Variants in NSMCE2 observed in about 807,000 individuals in gnomAD.
NSMCE2 encodes the protein NSE2 SUMO ligase component of SMC5/6 complex.
NSMCE2 carries 24 observed loss-of-function variants against 23.8 expected under a neutral mutation model. That is an observed-to-expected ratio of 1.01 (90% CI 0.73 to 1.42). The LOEUF (loss-of-function observed/expected upper bound fraction) is 1.42. Among genes scored for constraint, NSMCE2 ranks in the 40% most tolerant of loss-of-function variants. The probability of loss-of-function intolerance (pLI) is 0.00; values close to 1 mark genes in which losing one functional copy is unlikely to be tolerated. For missense variants in NSMCE2, 284 were observed against 296.5 expected, an observed-to-expected ratio of 0.96 and a Z score of 0.31; for synonymous variants, 92 against 94.1, an observed-to-expected ratio of 0.98 and a Z score of 0.13.
chr8:125,227,287 G>A (rs1825138729), intron 5 of NSMCE2, among the ~76,000 whole-genome samples: 1 of 152,034 alleles, frequency 6.6e-6, no homozygotes, highest in Non-Finnish European at 1.5e-5. Context: ...TCCATCAGTG[G>A]TAGCTGATGG....
intron 3 of NSMCE2, among the ~76,000 whole-genome samples, chr8:125,112,648 T>C (rs1476619736): frequency 6.6e-6 from 1 of 152,044 alleles, no homozygotes; most frequent in Non-Finnish European, 1.5e-5. Context: ...CACAGAAAGA[T>C]AAATAGTGCT....
rs554957877 is a variant in NSMCE2 at position 125,213,158 on chromosome 8, A to G, written c.418+30902A>G. Among the ~76,000 whole-genome samples the G allele has an allele frequency of 1.8e-4, 27 of 152,272 alleles. No homozygotes were observed. In the South Asian group the frequency reaches 2.1e-3, roughly 12 times the overall value. ...CCTGTATGAAAAAGAAATGTTGAACATTTGTACCCTTTTTTCTTTTTAAGC... is the reference window on the plus strand; with the variant it reads ...CCTGTATGAAAAAGAAATGTTGAACGTTTGTACCCTTTTTTCTTTTTAAGC... On this transcript the variant is annotated intron_variant, in intron 5 of 7. Transcript: ENST00000287437.
At chr8:125,284,071 G>A (rs181407567) in intron 5 of NSMCE2, among the ~76,000 whole-genome samples, 3 of 151,444 alleles carry the variant, frequency 2.0e-5, no homozygotes, top group Admixed American at 6.6e-5. Flanking sequence ...GGAGAATGGC[G>A]TGAACCTGGG....
At chr8:125,243,884 A>G (rs1586662302) in intron 5 of NSMCE2, among the ~76,000 whole-genome samples, 1 of 152,366 alleles carries the variant, frequency 6.6e-6, no homozygotes, top group East Asian at 1.9e-4. Context: ...AAAGAGCAAC[A>G]GGAAGATCAT....
At chr8:125,104,033 C>A (rs574439616) in intron 3 of NSMCE2, among the ~76,000 whole-genome samples, 7 of 150,874 alleles carry the variant, frequency 4.6e-5, no homozygotes, top group South Asian at 2.1e-4. Flanking sequence ...TCTTGTTGCC[C>A]AGGCTGGAGT....
chr8:125,197,516 G>T (rs1036956959), intron 5 of NSMCE2, among the ~76,000 whole-genome samples: 2 of 152,112 alleles, frequency 1.3e-5, no homozygotes, highest in East Asian at 3.9e-4. Flanking sequence ...GTAGATGTGT[G>T]GTGTTATTTC....
chr8:125,242,243 G>A (rs1825791730), intron 5 of NSMCE2, among the ~76,000 whole-genome samples: 1 of 152,102 alleles, frequency 6.6e-6, no homozygotes, highest in Non-Finnish European at 1.5e-5. Context: ...AAAAGAGGAA[G>A]CTGATGGGGA....
chr8:125,098,870 A>G (rs1044617165), intron 1 of NSMCE2, among the ~76,000 whole-genome samples: 11 of 152,112 alleles, frequency 7.2e-5, no homozygotes, highest in African/African-American at 2.4e-4. Flanking sequence ...GATCTTGCCA[A>G]TGGTATTTAG....
At chr8:125,318,358 G>A (rs193177545) in intron 5 of NSMCE2, among the ~76,000 whole-genome samples, 141 of 152,292 alleles carry the variant, frequency 9.3e-4, no homozygotes, top group Admixed American at 1.6e-3. Context: ...AGCCAAGATC[G>A]CGCCACTGCA....
chr8:125,112,851 T>C (rs1166015102), intron 3 of NSMCE2, among the ~76,000 whole-genome samples: 1 of 152,184 alleles, frequency 6.6e-6, no homozygotes, highest in Non-Finnish European at 1.5e-5. Context: ...AGTTAATAAC[T>C]ATTATATACT....
chr8:125,305,773 A>G (rs1156881800), intron 5 of NSMCE2, among the ~76,000 whole-genome samples: 1 of 152,198 alleles, frequency 6.6e-6, no homozygotes, highest in African/African-American at 2.4e-5. Flanking sequence ...TGACCAAAGT[A>G]TAGCCTTGTG....
intron 1 of NSMCE2, among the ~76,000 whole-genome samples, chr8:125,092,965 A>G (rs1189039502): frequency 2.0e-5 from 3 of 152,220 alleles, no homozygotes; most frequent in Non-Finnish European, 4.4e-5. Context: ...TGCCCGCTAG[A>G]TGCCAACCAC....
intron 5 of NSMCE2, among the ~76,000 whole-genome samples, chr8:125,248,619 C>T (rs538357201): frequency 1.3e-5 from 2 of 152,170 alleles, no homozygotes; most frequent in Admixed American, 1.3e-4. Flanking sequence ...CACCACTGCA[C>T]TCCAGCCTGG....
At chr8:125,098,415 T>A (rs1172042603) in intron 1 of NSMCE2, among the ~76,000 whole-genome samples, 1 of 152,038 alleles carries the variant, frequency 6.6e-6, no homozygotes, top group Admixed American at 6.6e-5. Context: ...TCCCGGTGAG[T>A]CAGGAAGTCC....
At chr8:125,247,029 T>C (rs1014242205) in intron 5 of NSMCE2, among the ~76,000 whole-genome samples, 1 of 152,054 alleles carries the variant, frequency 6.6e-6, no homozygotes, top group Non-Finnish European at 1.5e-5. Context: ...ATTTTTTTTT[T>C]TCTTAAAATA....
chr8:125,186,050 G>A (rs964840816), intron 5 of NSMCE2, among the ~76,000 whole-genome samples: 5 of 152,166 alleles, frequency 3.3e-5, no homozygotes, highest in East Asian at 1.9e-4. Context: ...GCCATGGACC[G>A]AATTCAGCCT....
At chr8:125,230,225 C>T (rs750629957) in intron 5 of NSMCE2, among the ~76,000 whole-genome samples, 16 of 152,178 alleles carry the variant, frequency 1.1e-4, no homozygotes, top group Non-Finnish European at 1.6e-4. Flanking sequence ...TTACAAAAGG[C>T]TCATGCTTTT....
intron 5 of NSMCE2, among the ~76,000 whole-genome samples, chr8:125,293,468 G>GTAGGTCTTGA (rs1391763733): frequency 6.0e-4 from 91 of 150,926 alleles, no homozygotes; most frequent in Middle Eastern, 3.4e-3. Context: ...TTTATTTACT[G>GTAGGTCTTGA]ACTCCAGTGG....
intron 3 of NSMCE2, among the ~76,000 whole-genome samples, chr8:125,109,766 T>C (rs1563655081): frequency 6.6e-6 from 1 of 152,182 alleles, no homozygotes; most frequent in East Asian, 1.9e-4. Flanking sequence ...TTTGAAATGA[T>C]CACCTTTGCC....
Sources: gnomAD v4.1 joint callset for allele counts (sites outside exome capture counted in the v4.1 genomes callset) on GRCh38, gnomAD v4.1.1 for gene constraint, MANE v1.5 for transcripts, NCBI Gene and HGNC (gene_info 2026-07-23, HGNC 2026-07-21) for gene names.